Variants in RYR1 observed in about 807,000 individuals in gnomAD.
The protein encoded by RYR1 is ryanodine receptor 1.
In RYR1, 342 loss-of-function variants were observed where a neutral mutation model predicts 583.5. The observed-to-expected ratio is 0.59, with a 90% CI of 0.54 to 0.64. RYR1 has a LOEUF of 0.64. Among genes scored for constraint, RYR1 ranks in the 30% least tolerant of loss-of-function variants. RYR1 has a pLI of 0.00. For missense variants in RYR1, 6,032 were observed against 6,917.2 expected, an observed-to-expected ratio of 0.87 and a Z score of 4.54; for synonymous variants, 2,791 against 2,822.5, an observed-to-expected ratio of 0.99 and a Z score of 0.35.
chr19:38,549,626 A>C (rs1034459545), intron 89 of RYR1, among the ~76,000 whole-genome samples: 3 of 151,790 alleles, frequency 2.0e-5, no homozygotes, highest in Non-Finnish European at 4.4e-5. Context: ...AGAATTTCTG[A>C]ATACCTTTCA....
intron 3 of RYR1, 85 bp downstream of exon 3, chr19:38,442,538 G>A (rs948223106): frequency 4.3e-6 from 4 of 934,840 alleles, no homozygotes; most frequent in Admixed American, 1.8e-5. Flanking sequence ...GGCAAGGATG[G>A]GTGAGAGGAC....
chr19:38,586,044 CA>C (rs781495563), intron 103 of RYR1, 42 bp downstream of exon 103: 80 of 1,614,020 alleles, frequency 5.0e-5, no homozygotes, highest in Non-Finnish European at 6.3e-5. Flanking sequence ...TTACGGGATT[CA>C]GGGGGTCAAG....
At chr19:38,504,970 C>A (rs1970374721) in intron 51 of RYR1, 33 bp from the exon 52 acceptor site, 2 of 1,613,500 alleles carry the variant, frequency 1.2e-6, no homozygotes, top group East Asian at 4.5e-5. Flanking sequence ...GGAACCCCAG[C>A]TCCAACATCT....
intron 92 of RYR1, 22 bp from the exon 93 acceptor site, chr19:38,567,751 C>T (rs1399805869): frequency 1.9e-6 from 3 of 1,614,056 alleles, no homozygotes; most frequent in Non-Finnish European, 2.5e-6. Flanking sequence ...ACCTCCTGAC[C>T]TCTCTCTGTC....
In RYR1 at chr19:38,532,472, C is replaced by A. The variant is rs1449222605; in HGVS notation, c.11142-18C>A. ...CCTCTCCACCGGGTCCTGACCACTC[C>A]CCTGCTTACTTCCCCAGCAAACTGG... On this transcript the variant is annotated intron_variant, in intron 76 of 105. Coordinates refer to ENST00000359596, the MANE Select transcript of RYR1 (RefSeq NM_000540.3). The A allele has an allele frequency of 3.1e-6, 5 of 1,614,118 alleles. No individual in the cohort carries two copies. The highest frequency in any genetic ancestry group is 2.7e-5 in the African/African-American group (2 of 75,016).
rs111233139 is a variant in RYR1, at chr19:38,569,217, A to G, written c.13659+1300A>G. On this transcript the variant is annotated intron_variant, in intron 93 of 105. Coordinates refer to ENST00000359596, the MANE Select transcript of RYR1 (RefSeq NM_000540.3). ...AGTAGAAACGGGGTTTCACCGTGTTAGCCAGAATGGCCTAGATCTGACCTT... is the reference window on the plus strand; with the variant it reads ...AGTAGAAACGGGGTTTCACCGTGTTGGCCAGAATGGCCTAGATCTGACCTT... Among the ~76,000 whole-genome samples the G allele has an allele frequency of 6.4e-3, 969 of 152,214 alleles. 3 individuals carry two copies. The highest frequency in any genetic ancestry group is 0.022 in the African/African-American group (927 of 41,540).
Position 38,505,374 on chromosome 19 carries a change from G to A in RYR1, c.8376G>A (p.Arg2792=), listed in dbSNP as rs150388417. 7,044 of 1,611,234 alleles carry A rather than the reference G, an allele frequency of 4.4e-3. 42 individuals carry two copies. The highest frequency in any genetic ancestry group is 0.012 in the South Asian group (1,096 of 90,496). The change falls in exon 53 of 106, where the codon AGG becomes AGA. Residue 2792 remains arginine, a synonymous_variant. Transcript: ENST00000359596. ...DEELKTHPML[R]PYKTFSEKDK... is the part of the protein sequence containing the mutation. ...AGCTGAAGACCCACCCCATGCTGAG[G>A]CCCTACAAGACCTTTTCAGAGAAGG...
chr19:38,502,810 G>GGGACAGGGGC, intron 48 of RYR1, 70 bp from the exon 49 acceptor site: 1 of 667,290 alleles, frequency 1.5e-6, no homozygotes, highest in Non-Finnish European at 2.0e-6. Context: ...GGGGCAGGGG[G>GGGACAGGGGC]AGGAGCAGGG....
intron 96 of RYR1, 97 bp downstream of exon 96, chr19:38,573,404 G>C: frequency 2.1e-6 from 3 of 1,461,392 alleles, no homozygotes; most frequent in Non-Finnish European, 1.8e-6. Flanking sequence ...GTTTCGGTCC[G>C]GGCACGGTGG....
intron 89 of RYR1, among the ~76,000 whole-genome samples, chr19:38,555,595 CT>C (rs1225477295): frequency 6.6e-6 from 1 of 152,056 alleles, no homozygotes; most frequent in Non-Finnish European, 1.5e-5. Flanking sequence ...AGTCACAGTC[CT>C]TTAAATCATC....
Position 38,478,609 on chromosome 19 carries a change from A to G in RYR1, c.4620+9A>G, listed in dbSNP as rs772356837. The G allele has an allele frequency of 2.5e-6, 4 of 1,608,892 alleles. No homozygotes were observed. In the Admixed American group the frequency reaches 6.7e-5, roughly 27 times the overall value. On this transcript the variant is annotated intron_variant, in intron 31 of 105. Transcript: ENST00000359596. The stretch of plus-strand genomic sequence containing the variant: ...GCAACACCTTTTTCCAGGTGAGTCC[A>G]GGCCACAGCAATTTAGCGAGAGCAT...
chr19:38,538,571 G>C (rs1003543400), intron 84 of RYR1: 1 of 153,734 alleles, frequency 6.5e-6, no homozygotes, highest in African/African-American at 2.4e-5. Context: ...GCTCTGCAGT[G>C]GCTGCCAAAG....
In RYR1 at chr19:38,521,684, G is replaced by A. The variant is rs1016466479; in HGVS notation, c.10260-1344G>A. Among the ~76,000 whole-genome samples, 5 of 149,690 alleles carry A rather than the reference G, an allele frequency of 3.3e-5. No homozygotes were observed. In the East Asian group the frequency reaches 6.0e-4, roughly 18 times the overall value. ...TGCACTCCAGCCTGGGCGACAGAGC[G>A]AGACCCTGTCTCAAAAAAGAAAAAA... On this transcript the variant is annotated intron_variant, in intron 67 of 105. Transcript: ENST00000359596.
intron 13 of RYR1, among the ~76,000 whole-genome samples, chr19:38,453,372 T>G (rs1967193505): frequency 6.9e-6 from 1 of 145,780 alleles, no homozygotes; most frequent in African/African-American, 2.6e-5. Flanking sequence ...AGGCCAGGAG[T>G]GGGGCCAGAG....
Position 38,565,632 on chromosome 19 carries a change from G to C in RYR1, c.13298G>C (p.Gly4433Ala). 7.2e-7 allele frequency: 1 copy of C among 1,398,440 alleles called. No homozygotes were observed. The highest frequency in any genetic ancestry group is 9.2e-7 in the Non-Finnish European group (1 of 1,087,202). The allele number at this position is 1,398,440 out of a possible 1,614,324, so 86.6% of individuals were successfully genotyped here. The change falls in exon 91 of 106, where the codon GGT becomes GCT. Residue 4433 changes from glycine (G) to alanine (A), a missense_variant. Physicochemically the swap from Gly to Ala is moderately conservative, Grantham distance 60 (BLOSUM62 0). Coordinates refer to ENST00000359596, the MANE Select transcript of RYR1 (RefSeq NM_000540.3). The surrounding 1 kb of genome is among the most constrained non-coding windows in gnomAD (Gnocchi z 4.7). ...EEAVHEAGPG[G>A]ADGAVAVTDG... ...GCGGTGCACGAGGCCGGGCCGGGCGGTGCCGACGGGGCGGTGGCCGTGACC... is the reference window on the plus strand; with the variant it reads ...GCGGTGCACGAGGCCGGGCCGGGCGCTGCCGACGGGGCGGTGGCCGTGACC...
At chr19:38,506,619 C>T in intron 56 of RYR1, 73 bp downstream of exon 56, 1 of 1,567,646 alleles carries the variant, frequency 6.4e-7, no homozygotes, top group Middle Eastern at 1.7e-4. Context: ...GCCTTCATGC[C>T]CCTGAAACTC....
At chr19:38,438,432 G>A (rs1972520266) in intron 1 of RYR1, among the ~76,000 whole-genome samples, 1 of 150,924 alleles carries the variant, frequency 6.6e-6, no homozygotes, top group Non-Finnish European at 1.5e-5. Flanking sequence ...CTGTCTCAGG[G>A]GCCCCAGGGA....
intron 89 of RYR1, among the ~76,000 whole-genome samples, chr19:38,554,429 C>T (rs1255728602): frequency 1.0e-4 from 15 of 145,248 alleles, no homozygotes; most frequent in South Asian, 4.5e-4. Flanking sequence ...CCTGCCTGGG[C>T]GACAGAACAA....
intron 71 of RYR1, among the ~76,000 whole-genome samples, chr19:38,526,551 C>T (rs1284151551): frequency 6.6e-6 from 1 of 151,960 alleles, no homozygotes; most frequent in Admixed American, 6.6e-5. Flanking sequence ...CCTAGAACCC[C>T]AGTGAACCCC....
Sources: allele counts gnomAD v4.1 joint callset (sites outside exome capture counted in the v4.1 genomes callset), GRCh38; gene constraint gnomAD v4.1.1; non-coding constraint Gnocchi (gnomAD v3.1); transcripts MANE v1.5; gene names NCBI Gene and HGNC (gene_info 2026-07-23, HGNC 2026-07-21).